The following TLN2 variants were observed in gnomAD, a reference collection of about 807,000 sequenced individuals.
TLN2 encodes talin-2.
TLN2 carries 118 observed loss-of-function variants against 294.7 expected under a neutral mutation model. The ratio of observed to expected loss-of-function variants is 0.40; its 90% CI spans 0.34 to 0.47. The LOEUF (loss-of-function observed/expected upper bound fraction) is 0.47, where lower values mean the gene tolerates loss of function less well. Among genes scored for constraint, TLN2 ranks in the 20% least tolerant of loss-of-function variants. The pLI, the probability that TLN2 is intolerant of heterozygous loss-of-function variation, is 0.84. For synonymous variants in TLN2, 1,431 were observed against 1,304.5 expected (o/e 1.10, Z -2.09); for missense variants, 3,083 against 3,282.2 (o/e 0.94, Z 1.48).
At chr15:62,698,636 G>A (rs2058519198) in intron 15 of TLN2, 118 bp from the exon 16 acceptor site, 2 of 733,882 alleles carry the variant, frequency 2.7e-6, no homozygotes, top group Admixed American at 2.3e-5. Context: ...CGCTTGTTGA[G>A]ATGTAGCCTG....
At chr15:62,728,767 C>T (rs887432875) in intron 28 of TLN2, among the ~76,000 whole-genome samples, 1 of 151,946 alleles carries the variant, frequency 6.6e-6, no homozygotes, top group African/African-American at 2.4e-5. Context: ...TATAGGAGTT[C>T]TTTGTTACTT....
intron 42 of TLN2, among the ~76,000 whole-genome samples, chr15:62,775,549 A>G (rs1177040588): frequency 6.6e-6 from 1 of 152,176 alleles, no homozygotes; most frequent in Non-Finnish European, 1.5e-5. Context: ...CAGATGTCAT[A>G]TTTGAATAAC....
intron 51 of TLN2, among the ~76,000 whole-genome samples, chr15:62,807,354 T>C (rs1403008567): frequency 1.3e-5 from 2 of 152,220 alleles, no homozygotes; most frequent in African/African-American, 4.8e-5. Context: ...TTATTCTGTT[T>C]GTTACATGAT....
At chr15:62,807,651 C>T (rs750720047) in intron 51 of TLN2, among the ~76,000 whole-genome samples, 1 of 152,164 alleles carries the variant, frequency 6.6e-6, no homozygotes, top group Non-Finnish European at 1.5e-5. Flanking sequence ...CGTGTGCTCC[C>T]CTGTTTTCAG....
At chr15:62,788,104 A>G (rs917900793) in intron 45 of TLN2, among the ~76,000 whole-genome samples, 1 of 150,776 alleles carries the variant, frequency 6.6e-6, no homozygotes, top group Non-Finnish European at 1.5e-5. Flanking sequence ...TGAGGCCAGG[A>G]GTTCGAGACC....
chr15:62,586,426 A>G (rs941841411), intron 1 of TLN2, among the ~76,000 whole-genome samples: 2 of 152,260 alleles, frequency 1.3e-5, no homozygotes, highest in African/African-American at 4.8e-5. Flanking sequence ...CAACATATCT[A>G]TAAAAAGATT....
chr15:62,759,948 C>T (rs945848979), intron 37 of TLN2, among the ~76,000 whole-genome samples: 1 of 152,226 alleles, frequency 6.6e-6, no homozygotes, highest in Non-Finnish European at 1.5e-5. Context: ...AGGGATCTAC[C>T]AAACTTCAGA....
intron 1 of TLN2, among the ~76,000 whole-genome samples, chr15:62,458,020 T>C (rs980178572): frequency 1.3e-5 from 2 of 152,202 alleles, no homozygotes; most frequent in East Asian, 3.9e-4. Context: ...GACAACGACA[T>C]GATGGTCAGG....
chr15:62,639,263 G>C (rs1325841989), intron 3 of TLN2, among the ~76,000 whole-genome samples: 1 of 150,866 alleles, frequency 6.6e-6, no homozygotes, highest in African/African-American at 2.5e-5. Flanking sequence ...ATATCTATGT[G>C]TATATCTATA....
At chr15:62,391,864 C>G (rs910346082) in intron 1 of TLN2, among the ~76,000 whole-genome samples, 1 of 152,254 alleles carries the variant, frequency 6.6e-6, no homozygotes, top group Non-Finnish European at 1.5e-5. Context: ...CCGCAGCTAC[C>G]GCTGCCCGGG....
intron 28 of TLN2, among the ~76,000 whole-genome samples, chr15:62,736,010 G>C (rs2060989286): frequency 1.3e-5 from 2 of 152,174 alleles, no homozygotes; most frequent in Admixed American, 6.5e-5. Context: ...CTGTTAACAT[G>C]AAGTTTAAGA....
chr15:62,752,355 C>A lies in TLN2; in HGVS notation c.4260C>A (p.Asp1420Glu). The change falls in exon 35 of 59, where the codon GAC becomes GAA. Residue 1420 changes from aspartate to glutamate, a missense_variant. By Grantham distance (45) the Asp-to-Glu change is conservative. Coordinates refer to ENST00000636159, the MANE Select transcript of TLN2 (RefSeq NM_015059.3). ...TTTCACAGAATGCCAAGACCGGAGACCTCCCTGCCTTTGGGGAATGTGTGG... is the reference window on the plus strand; with the variant it reads ...TTTCACAGAATGCCAAGACCGGAGAACTCCCTGCCTTTGGGGAATGTGTGG... Reference protein sequence around the residue: ...AGISQNAKTGDLPAFGECVGI... With the variant: ...AGISQNAKTGELPAFGECVGI... 6.2e-7 allele frequency: 1 copy of A among 1,614,136 alleles called. No individual in the cohort carries two copies. The highest frequency in any genetic ancestry group is 2.2e-5 in the East Asian group (1 of 44,874).
intron 1 of TLN2, among the ~76,000 whole-genome samples, chr15:62,436,213 G>A (rs1030550662): frequency 1.3e-5 from 2 of 152,052 alleles, no homozygotes; most frequent in African/African-American, 2.4e-5. Context: ...TTGATTCCAC[G>A]TTCCCTCTGA....
Position 62,716,315 on chromosome 15 carries a change from A to G in TLN2, c.2635-16A>G. The G allele has an allele frequency of 6.4e-7, 1 of 1,574,686 alleles. No homozygotes were observed. Among genetic ancestry groups the G allele is most frequent in the South Asian group, 1.2e-5 (1 of 84,382 alleles). ...TCCTGCTGGACCACTTGAAATCTTT[A>G]TTTTTGCCTTTGCAGGGGGCTGCAG... On this transcript the variant is annotated splice_polypyrimidine_tract_variant and intron_variant, in intron 22 of 58. Transcript: ENST00000636159.
rs956523488 is a variant in TLN2, at chr15:62,405,380, A to G, written c.-238+14695A>G. Reference sequence around the variant, plus strand: ...GGGCAGATGCCTGCTGGCCATGTACACTTGACAGACCCAACTCCTTTCTGA... The same window carrying G: ...GGGCAGATGCCTGCTGGCCATGTACGCTTGACAGACCCAACTCCTTTCTGA... On this transcript the variant is annotated intron_variant, in intron 1 of 58. Coordinates refer to ENST00000636159, the MANE Select transcript of TLN2 (RefSeq NM_015059.3). Among the ~76,000 whole-genome samples, 10 of 152,166 alleles carry G rather than the reference A, an allele frequency of 6.6e-5. No individual in the cohort carries two copies. The South Asian group carries it at 1.9e-3, about 28-fold the overall frequency.
intron 58 of TLN2, among the ~76,000 whole-genome samples, chr15:62,840,036 G>A (rs574959609): frequency 6.6e-6 from 1 of 152,308 alleles, no homozygotes; most frequent in Non-Finnish European, 1.5e-5. Flanking sequence ...GTGGTCCAGG[G>A]CTCCGCTTTA....
At chr15:62,662,669 A>G (rs563349365) in intron 9 of TLN2, among the ~76,000 whole-genome samples, 1 of 152,270 alleles carries the variant, frequency 6.6e-6, no homozygotes, top group East Asian at 1.9e-4. Context: ...ACAGTCAAAC[A>G]TTTCTGCCCT....
chr15:62,743,716 C>CA (rs556979231), intron 32 of TLN2, among the ~76,000 whole-genome samples: 124 of 152,168 alleles, frequency 8.1e-4, no homozygotes, highest in African/African-American at 2.8e-3. Context: ...TTGCAGTTGC[C>CA]AAAACGAAGG....
intron 1 of TLN2, among the ~76,000 whole-genome samples, chr15:62,413,328 T>C (rs1218231322): frequency 1.3e-5 from 2 of 152,146 alleles, no homozygotes; most frequent in African/African-American, 4.8e-5. Flanking sequence ...TCTGCTGCCT[T>C]GGAAGATGCT....
Sources: allele counts gnomAD v4.1 joint callset (sites outside exome capture counted in the v4.1 genomes callset), GRCh38; gene constraint gnomAD v4.1.1; transcripts MANE v1.5; gene names NCBI Gene and HGNC (gene_info 2026-07-23, HGNC 2026-07-21).